TBC1D22A: variants seen among roughly 807,000 people sequenced by gnomAD.
TBC1D22A encodes the protein TBC1 domain family member 22A, also known as putative GTPase activator.
In TBC1D22A, 38 loss-of-function variants were observed where a neutral mutation model predicts 60.2. The observed-to-expected ratio is 0.63, with a 90% CI of 0.49 to 0.83. The LOEUF (loss-of-function observed/expected upper bound fraction) is 0.83. Among genes scored for constraint, TBC1D22A ranks in the 40% least tolerant of loss-of-function variants. TBC1D22A has a pLI of 0.00. For missense variants in TBC1D22A, 628 were observed against 701.0 expected (o/e 0.90, Z 1.18); for synonymous variants, 302 against 281.7 (o/e 1.07, Z -0.72).
intron 11 of TBC1D22A, among the ~76,000 whole-genome samples, chr22:47,064,177 G>A (rs556566181): frequency 1.1e-4 from 16 of 152,358 alleles, no homozygotes; most frequent in East Asian, 5.8e-4. Flanking sequence ...ATGCGTTGCC[G>A]TTGCCGGGGA....
At chr22:46,774,159 G>A in intron 1 of TBC1D22A, 2 of 985,602 alleles carry the variant, frequency 2.0e-6, no homozygotes, top group Non-Finnish European at 2.4e-6. Context: ...GCTGAGCTCA[G>A]CCTGAGGCCT....
At chr22:47,105,184 A>G (rs2180150) in intron 11 of TBC1D22A, among the ~76,000 whole-genome samples, 69,072 of 151,710 alleles carry the variant, frequency 0.46, 16,831 homozygotes, top group African/African-American at 0.65. Flanking sequence ...CATCAAACCT[A>G]TACTACAAAG....
intron 4 of TBC1D22A, among the ~76,000 whole-genome samples, chr22:46,818,704 G>A (rs182878355): frequency 7.0e-4 from 106 of 152,302 alleles, no homozygotes; most frequent in African/African-American, 2.5e-3. Flanking sequence ...TTTTTGCTAG[G>A]ATTGTCTTGG....
chr22:46,879,887 C>A (rs2067765331), intron 5 of TBC1D22A, among the ~76,000 whole-genome samples: 1 of 152,094 alleles, frequency 6.6e-6, no homozygotes, highest in South Asian at 2.1e-4. Flanking sequence ...GTTCCGCTTC[C>A]CTAATGTGTG....
At chr22:47,029,083 A>T (rs1224947612) in intron 10 of TBC1D22A, among the ~76,000 whole-genome samples, 1 of 152,238 alleles carries the variant, frequency 6.6e-6, no homozygotes, top group Non-Finnish European at 1.5e-5. Context: ...GCCAGTGATT[A>T]TGATTCCAGT....
intron 12 of TBC1D22A, among the ~76,000 whole-genome samples, chr22:47,144,214 C>T (rs374954880): frequency 1.2e-4 from 18 of 152,352 alleles, no homozygotes; most frequent in Middle Eastern, 3.4e-3. Flanking sequence ...CACTTCTCAT[C>T]GCTGTCAGAG....
intron 11 of TBC1D22A, among the ~76,000 whole-genome samples, chr22:47,068,053 C>T (rs545338856): frequency 3.9e-5 from 6 of 152,376 alleles, no homozygotes; most frequent in East Asian, 3.9e-4. Flanking sequence ...CCAGAGTCCG[C>T]GAAAGCGCTC....
intron 8 of TBC1D22A, among the ~76,000 whole-genome samples, chr22:46,944,786 A>G (rs1277980399): frequency 6.6e-6 from 1 of 152,210 alleles, no homozygotes; most frequent in South Asian, 2.1e-4. Context: ...CATTTTATAC[A>G]ATGAAGATAC....
intron 8 of TBC1D22A, among the ~76,000 whole-genome samples, chr22:46,926,036 T>C (rs1221583817): frequency 6.6e-6 from 1 of 152,172 alleles, no homozygotes. Flanking sequence ...ATGACAAATA[T>C]GTAGACATTT....
At chr22:46,772,106 T>C (rs2083502440) in intron 1 of TBC1D22A, among the ~76,000 whole-genome samples, 2 of 121,006 alleles carry the variant, frequency 1.7e-5, no homozygotes. Flanking sequence ...CACATATACA[T>C]ATATATGTAT....
intron 12 of TBC1D22A, among the ~76,000 whole-genome samples, chr22:47,117,704 G>A (rs917032525): frequency 2.0e-5 from 3 of 152,244 alleles, no homozygotes; most frequent in Non-Finnish European, 4.4e-5. Flanking sequence ...CCTCCTTGTA[G>A]AGGCTGTGAT....
Position 46,784,881 on chromosome 22 carries a change from G to T in TBC1D22A, c.63-7639G>T, listed in dbSNP as rs138351003. ...GTTCTTATTCCCATTTCCAGGATGAGAAAACGAAAACTCAGAGTACTTACT... is the reference window on the plus strand; with the variant it reads ...GTTCTTATTCCCATTTCCAGGATGATAAAACGAAAACTCAGAGTACTTACT... On this transcript the variant is annotated intron_variant, in intron 1 of 12. Transcript: ENST00000337137. 8.5e-5 allele frequency among the ~76,000 whole-genome samples: 13 copies of T among 152,340 alleles called. No individual in the cohort carries two copies. The East Asian group carries it at 2.5e-3, about 29-fold the overall frequency.
At chr22:46,941,819 TAGAATATATAGAATA>T (rs1283610313) in intron 8 of TBC1D22A, among the ~76,000 whole-genome samples, 1 of 133,914 alleles carries the variant, frequency 7.5e-6, no homozygotes, top group Non-Finnish European at 1.5e-5. Flanking sequence ...AGAATATATA[TAGAATATATAGAATA>T]ATAGAATATA....
At chr22:47,021,896 G>C (rs375196721) in intron 10 of TBC1D22A, among the ~76,000 whole-genome samples, 1 of 152,134 alleles carries the variant, frequency 6.6e-6, no homozygotes, top group African/African-American at 2.4e-5. Flanking sequence ...ACTGCCACCC[G>C]CTTGCCACCC....
chr22:47,054,571 C>A (rs1263066365), intron 11 of TBC1D22A, among the ~76,000 whole-genome samples: 1 of 152,228 alleles, frequency 6.6e-6, no homozygotes, highest in Non-Finnish European at 1.5e-5. Context: ...GCCTTCCCAG[C>A]GGCAGCTCAT....
chr22:46,821,983 A>G (rs1381972968), intron 4 of TBC1D22A, among the ~76,000 whole-genome samples: 1 of 151,536 alleles, frequency 6.6e-6, no homozygotes, highest in Non-Finnish European at 1.5e-5. Flanking sequence ...TATTTCATTA[A>G]TGTGGTCTTC....
intron 11 of TBC1D22A, among the ~76,000 whole-genome samples, chr22:47,059,968 G>A (rs909477669): frequency 5.9e-5 from 9 of 152,190 alleles, no homozygotes; most frequent in Non-Finnish European, 8.8e-5. Context: ...CTGCAGGAGC[G>A]TCGCACAGCC....
At chr22:47,102,079 G>A (rs889364200) in intron 11 of TBC1D22A, among the ~76,000 whole-genome samples, 17 of 152,144 alleles carry the variant, frequency 1.1e-4, no homozygotes, top group South Asian at 2.1e-4. Flanking sequence ...AACCGTTTCC[G>A]TCCCCCAACC....
intron 4 of TBC1D22A, among the ~76,000 whole-genome samples, chr22:46,822,857 A>C (rs1378296521): frequency 3.3e-5 from 5 of 152,062 alleles, no homozygotes; most frequent in Non-Finnish European, 7.4e-5. Context: ...AAGGGGCCCT[A>C]CTTTTGCTTG....
Sources: gnomAD v4.1 joint callset for allele counts (sites outside exome capture counted in the v4.1 genomes callset) on GRCh38, gnomAD v4.1.1 for gene constraint, MANE v1.5 for transcripts, NCBI Gene and HGNC (gene_info 2026-07-23, HGNC 2026-07-21) for gene names.